CSMD3: variants seen among roughly 807,000 people sequenced by gnomAD.
The protein encoded by CSMD3 is CUB and sushi domain-containing protein 3.
Under a neutral mutation model 435.2 loss-of-function variants are expected in CSMD3, and 177 were observed. The ratio of observed to expected loss-of-function variants is 0.41; its 90% confidence interval spans 0.36 to 0.46. The LOEUF (loss-of-function observed/expected upper bound fraction) is 0.46. Ranked by LOEUF, CSMD3 falls within the 20% of genes least tolerant of loss-of-function variation. CSMD3 has a pLI of 0.34. For missense variants in CSMD3, 4,265 were observed against 4,504.6 expected (o/e 0.95, Z 1.52); for synonymous variants, 1,656 against 1,520.5 (o/e 1.09, Z -2.07).
intron 13 of CSMD3, among the ~76,000 whole-genome samples, chr8:112,768,577 G>C (rs2078037152): frequency 6.6e-6 from 1 of 151,874 alleles, no homozygotes; most frequent in South Asian, 2.1e-4. Flanking sequence ...ATAGTGCACT[G>C]AGTTACATTC....
intron 13 of CSMD3, among the ~76,000 whole-genome samples, chr8:112,766,942 T>C (rs2077994604): frequency 6.6e-6 from 1 of 151,786 alleles, no homozygotes; most frequent in Non-Finnish European, 1.5e-5. Context: ...CTACAAAATA[T>C]AAATAGTGAC....
At chr8:112,613,547 A>G (rs2131480501) in intron 22 of CSMD3, among the ~76,000 whole-genome samples, 1 of 152,300 alleles carries the variant, frequency 6.6e-6, no homozygotes, top group South Asian at 2.1e-4. Context: ...AACCATGTTT[A>G]TTTTGAAATG....
intron 13 of CSMD3, among the ~76,000 whole-genome samples, chr8:112,745,538 T>C (rs2132074877): frequency 6.6e-6 from 1 of 152,238 alleles, no homozygotes; most frequent in African/African-American, 2.4e-5. Flanking sequence ...GCTTGGTTGA[T>C]AAAGTTACCC....
At chr8:113,121,083 C>T (rs1325180964) in intron 4 of CSMD3, among the ~76,000 whole-genome samples, 2 of 152,050 alleles carry the variant, frequency 1.3e-5, no homozygotes, top group East Asian at 3.8e-4. Context: ...TTGCATAAAA[C>T]CAGCTTTTTT....
At chr8:113,263,588 G>A (rs2132369848) in intron 3 of CSMD3, among the ~76,000 whole-genome samples, 1 of 151,826 alleles carries the variant, frequency 6.6e-6, no homozygotes, top group Non-Finnish European at 1.5e-5. Context: ...CTCAACCTAT[G>A]ACCAAATGAA....
chr8:112,522,580 A>G (rs563311845), intron 27 of CSMD3, among the ~76,000 whole-genome samples: 89 of 152,056 alleles, frequency 5.9e-4, no homozygotes, highest in African/African-American at 2.0e-3. Context: ...ATGAATGAAT[A>G]AATGAATGAA....
chr8:113,371,203 T>C (rs2133051225), intron 1 of CSMD3, among the ~76,000 whole-genome samples: 1 of 152,232 alleles, frequency 6.6e-6, no homozygotes, highest in Non-Finnish European at 1.5e-5. Context: ...TTCTCAGTCG[T>C]ATTACTTAAC....
At chr8:112,717,604 C>T (rs548100496) in intron 13 of CSMD3, among the ~76,000 whole-genome samples, 1 of 152,232 alleles carries the variant, frequency 6.6e-6, no homozygotes, top group East Asian at 1.9e-4. Flanking sequence ...TATAAAGACA[C>T]ATGAACACCT....
At chr8:112,737,999 G>A (rs1327531083) in intron 13 of CSMD3, among the ~76,000 whole-genome samples, 2 of 151,806 alleles carry the variant, frequency 1.3e-5, no homozygotes, top group African/African-American at 4.8e-5. Context: ...ATTACATTCT[G>A]ATGATAGTTT....
Position 112,252,269 on chromosome 8 carries a change from T to C in CSMD3, c.10110+1984A>G, listed in dbSNP as rs535407083. On this transcript the variant is annotated intron_variant, in intron 63 of 70. Coordinates refer to ENST00000297405, the MANE Select transcript of CSMD3 (RefSeq NM_198123.2). ...TCTCCTTGGAAATCTGGAATTGAGATTGAGATGATCACTTTCTGTATGTAG... is the reference window on the plus strand; with the variant it reads ...TCTCCTTGGAAATCTGGAATTGAGACTGAGATGATCACTTTCTGTATGTAG... Among the ~76,000 whole-genome samples the C allele has an allele frequency of 5.1e-4, 77 of 152,084 alleles. 1 individual carries two copies. Among genetic ancestry groups the C allele is most frequent in the Middle Eastern group, 3.4e-3 (1 of 294 alleles).
At chr8:112,876,183 A>T (rs952591564) in intron 10 of CSMD3, among the ~76,000 whole-genome samples, 2 of 152,130 alleles carry the variant, frequency 1.3e-5, no homozygotes, top group Non-Finnish European at 2.9e-5. Flanking sequence ...TGAGGTAGTA[A>T]TTAATAGTAT....
chr8:112,253,317 A>G (rs1478195453), intron 63 of CSMD3, among the ~76,000 whole-genome samples: 1 of 151,976 alleles, frequency 6.6e-6, no homozygotes, highest in African/African-American at 2.4e-5. Context: ...TAATGGAGAC[A>G]GACTCATTTT....
intron 5 of CSMD3, 118 bp downstream of exon 5, chr8:113,098,638 A>G: frequency 2.8e-6 from 2 of 725,052 alleles, no homozygotes; most frequent in Non-Finnish European, 4.8e-6. Context: ...TCTTCACATA[A>G]CTTTCCTGTA....
rs1439458911 is a variant in CSMD3 at position 112,301,978 on chromosome 8, T to C, written c.8267-12A>G. On this transcript the variant is annotated splice_polypyrimidine_tract_variant and intron_variant, in intron 52 of 70. Coordinates refer to ENST00000297405, the MANE Select transcript of CSMD3 (RefSeq NM_198123.2). ...TCCACAGGAAATAACTTTAAAATGA[T>C]AAATAAATAAAAATCCTTAAAGATA... The C allele has an allele frequency of 2.6e-6, 4 of 1,560,274 alleles. 1 individual carries two copies. In the South Asian group the frequency reaches 4.5e-5, roughly 17 times the overall value.
chr8:112,669,039 C>CT (rs1019697479), intron 16 of CSMD3, among the ~76,000 whole-genome samples: 88 of 148,288 alleles, frequency 5.9e-4, no homozygotes, highest in African/African-American at 1.6e-3. Context: ...TGTATTTATT[C>CT]TTTTTTTTTT....
At chr8:112,464,301 G>T (rs1308045315) in intron 32 of CSMD3, among the ~76,000 whole-genome samples, 1 of 149,536 alleles carries the variant, frequency 6.7e-6, no homozygotes, top group African/African-American at 2.5e-5. Context: ...TTGTAACAAA[G>T]AATCTAATCC....
intron 34 of CSMD3, among the ~76,000 whole-genome samples, chr8:112,407,378 T>C (rs1014732920): frequency 3.3e-5 from 5 of 152,062 alleles, no homozygotes; most frequent in Non-Finnish European, 7.4e-5. Context: ...GTGCCTTTTT[T>C]TTGGTTTAGT....
Position 112,449,337 on chromosome 8 carries a change from G to T in CSMD3, c.5395+23254C>A, listed in dbSNP as rs560575829. Among the ~76,000 whole-genome samples the T allele has an allele frequency of 7.2e-4, 110 of 152,220 alleles. 1 individual carries two copies. Among genetic ancestry groups the T allele is most frequent in the African/African-American group, 2.5e-3 (105 of 41,528 alleles). ...AGAAGCAACCCTCGCTCTTCTAATGGTGTGGTATAAATTCATGAGATCTAG... is the reference window on the plus strand; with the variant it reads ...AGAAGCAACCCTCGCTCTTCTAATGTTGTGGTATAAATTCATGAGATCTAG... On this transcript the variant is annotated intron_variant, in intron 32 of 70. Coordinates refer to ENST00000297405, the MANE Select transcript of CSMD3 (RefSeq NM_198123.2).
At chr8:113,072,507 G>A (rs1174154779) in intron 5 of CSMD3, among the ~76,000 whole-genome samples, 7 of 151,514 alleles carry the variant, frequency 4.6e-5, no homozygotes, top group East Asian at 3.9e-4. Flanking sequence ...TTTAAATTAC[G>A]AATGGATGCC....
Sources: allele counts gnomAD v4.1 joint callset (sites outside exome capture counted in the v4.1 genomes callset), GRCh38; gene constraint gnomAD v4.1.1; transcripts MANE v1.5; gene names NCBI Gene and HGNC (gene_info 2026-07-23, HGNC 2026-07-21).